TTC21B: variants seen among roughly 807,000 people sequenced by gnomAD.
The protein encoded by TTC21B is tetratricopeptide repeat domain 21B.
A neutral mutation model predicts 175.1 loss-of-function variants in TTC21B; 127 were observed. The ratio of observed to expected loss-of-function variants is 0.73; its 90% CI spans 0.63 to 0.84. The LOEUF (loss-of-function observed/expected upper bound fraction) is 0.84, where lower values mean the gene tolerates loss of function less well. Ranked by LOEUF, TTC21B falls within the 40% of genes least tolerant of loss-of-function variation. The probability of loss-of-function intolerance (pLI) is 0.00; values close to 1 mark genes in which losing one functional copy is unlikely to be tolerated. For synonymous variants in TTC21B, 524 were observed against 524.5 expected, an observed-to-expected ratio of 1.00 and a Z score of 0.01; for missense variants, 1,561 against 1,558.3, an observed-to-expected ratio of 1.00 and a Z score of -0.03.
chr2:165,885,386 TC>T (rs78162133), intron 25 of TTC21B, among the ~76,000 whole-genome samples: 2,746 of 152,254 alleles, frequency 0.018, 118 homozygotes, highest in Admixed American at 0.099. Flanking sequence ...TATAAAAACT[TC>T]CTTGCCTCAA....
At chr2:165,887,776 T>C (rs1449552375) in intron 25 of TTC21B, among the ~76,000 whole-genome samples, 9 of 152,084 alleles carry the variant, frequency 5.9e-5, no homozygotes, top group Admixed American at 5.9e-4. Flanking sequence ...AAATAACAAA[T>C]ATGAAAAGAT....
intron 10 of TTC21B, 116 bp from the exon 11 acceptor site, chr2:165,929,451 A>G: frequency 1.0e-6 from 1 of 992,616 alleles, no homozygotes; most frequent in Non-Finnish European, 1.5e-6. Context: ...GTTCAAACTC[A>G]AGTATTAGCT....
chr2:165,910,691 T>C (rs997372029), intron 18 of TTC21B, among the ~76,000 whole-genome samples: 21 of 152,068 alleles, frequency 1.4e-4, no homozygotes, highest in Admixed American at 1.3e-3. Flanking sequence ...ATGAATAAAA[T>C]TTCCTAGAAG....
At chr2:165,902,518 C>CT (rs796953234) in intron 19 of TTC21B, among the ~76,000 whole-genome samples, 1,826 of 149,652 alleles carry the variant, frequency 0.012, 37 homozygotes, top group African/African-American at 0.042. Context: ...AACAGGTTTT[C>CT]TTTTTTTTTT....
intron 15 of TTC21B, among the ~76,000 whole-genome samples, chr2:165,914,698 T>TACGTGCGCGCGCGCGCGTG (rs71031214): frequency 3.0e-5 from 4 of 132,370 alleles, no homozygotes; most frequent in African/African-American, 6.2e-5. Flanking sequence ...TGTGTGTGTG[T>TACGTGCGCGCGCGCGCGTG]TGTGTATCCC....
chr2:165,891,067 G>A (rs1685175939), intron 22 of TTC21B, 79 bp from the exon 23 acceptor site: 1 of 1,243,518 alleles, frequency 8.0e-7, no homozygotes, highest in Non-Finnish European at 1.2e-6. Flanking sequence ...CTTCATTAGA[G>A]TATAATTTAC....
chr2:165,918,958 T>C (rs941775522), intron 13 of TTC21B, among the ~76,000 whole-genome samples: 5 of 152,212 alleles, frequency 3.3e-5, no homozygotes, highest in Non-Finnish European at 5.9e-5. Context: ...CATTTTTATA[T>C]ACCTTCATTA....
At chr2:165,888,530 G>C in intron 24 of TTC21B, 56 bp from the exon 25 acceptor site, 1 of 1,390,920 alleles carries the variant, frequency 7.2e-7, no homozygotes, top group East Asian at 2.4e-5. Flanking sequence ...ACAATTCATT[G>C]AGATTAGAAT....
rs201563244 is a variant in TTC21B at position 165,901,899 on chromosome 2, T to C, written c.2580A>G (p.Leu860=). The change falls in exon 20 of 29, where the codon TTA becomes TTG. Residue 860 remains leucine (L), a synonymous_variant. Transcript: ENST00000243344. ...AITALQQARE[L]QARVLKRVQM... ...GAACACGTTTTAGTACCCGAGCTTG[T>C]AATTCTCGAGCCTAGAAAAAATCAG... 10 of 1,613,498 alleles carry C rather than the reference T, an allele frequency of 6.2e-6. No homozygotes were observed. The Admixed American group carries it at 1.7e-4, about 27-fold the overall frequency.
intron 8 of TTC21B, among the ~76,000 whole-genome samples, chr2:165,931,191 C>G (rs1319234088): frequency 6.6e-6 from 1 of 151,720 alleles, no homozygotes; most frequent in Non-Finnish European, 1.5e-5. Flanking sequence ...ATCCTTTTTT[C>G]TTTCAACTTT....
chr2:165,890,477 AC>A lies in TTC21B; in HGVS notation c.3263+1del, dbSNP rs1394505242. The A allele has an allele frequency of 6.2e-7, 1 of 1,613,268 alleles. No homozygotes were observed. Among genetic ancestry groups the A allele is most frequent in the African/African-American group, 1.3e-5 (1 of 74,994 alleles). ...AAAAGGATAATATGTCAAATAACTC[AC>A]CCCAGGTCTCCATCCAGGTTTTCAA... On this transcript the variant is annotated splice_donor_variant, in intron 24 of 28. Transcript: ENST00000243344. LOFTEE classifies it high-confidence loss of function.
chr2:165,883,451 A>C (rs1684899778), intron 26 of TTC21B, among the ~76,000 whole-genome samples: 1 of 152,194 alleles, frequency 6.6e-6, no homozygotes, highest in Non-Finnish European at 1.5e-5. Flanking sequence ...AATGGGAGGG[A>C]CAGACGTCCG....
At chr2:165,882,328 A>C (rs1362300159) in intron 26 of TTC21B, among the ~76,000 whole-genome samples, 1 of 152,212 alleles carries the variant, frequency 6.6e-6, no homozygotes, top group Non-Finnish European at 1.5e-5. Context: ...AGCTTTAGAA[A>C]TAGCAGTCAG....
chr2:165,890,598 T>A lies in TTC21B; in HGVS notation c.3144A>T (p.Lys1048Asn). The A allele has an allele frequency of 6.2e-7, 1 of 1,613,862 alleles. No homozygotes were observed. Among genetic ancestry groups the A allele is most frequent in the East Asian group, 2.2e-5 (1 of 44,844 alleles). ...GGCCCCAGTCACGATCTTTCCGAGC[T>A]TTATTAAAATGTCGAAGGGCATCAT... ...EPNDALRHFN[K>N]ARKDRDWGQN... Residue 1048 changes from lysine (K) to asparagine (N), a missense_variant, in exon 24 of 29, where the codon AAA (lysine) becomes AAT (asparagine). Lys to Asn is a moderately conservative substitution (Grantham distance 94). Coordinates refer to ENST00000243344, the MANE Select transcript of TTC21B (RefSeq NM_024753.5).
chr2:165,884,391 T>C (rs954350137), intron 25 of TTC21B, among the ~76,000 whole-genome samples: 1 of 152,218 alleles, frequency 6.6e-6, no homozygotes, highest in African/African-American at 2.4e-5. Context: ...GCAGTTTGTA[T>C]TTCAGATTTA....
Position 165,898,779 on chromosome 2 carries a change from A to G in TTC21B, c.2869-12T>C. ...AGATCAGCCATCATCTATAAAGATA[A>G]AAGTTGGTTCTAAAAATATTGCCAT... On this transcript the variant is annotated splice_polypyrimidine_tract_variant and intron_variant, in intron 21 of 28. Coordinates refer to ENST00000243344, the MANE Select transcript of TTC21B (RefSeq NM_024753.5). 7.6e-6 allele frequency: 12 copies of G among 1,583,624 alleles called. No individual in the cohort carries two copies. The highest frequency in any genetic ancestry group is 1.0e-5 in the Non-Finnish European group (12 of 1,152,510).
intron 3 of TTC21B, 40 bp downstream of exon 3, chr2:165,949,354 T>C (rs929676352): frequency 1.3e-5 from 18 of 1,423,182 alleles, no homozygotes; most frequent in Non-Finnish European, 1.7e-5. Flanking sequence ...ATAAACTGAA[T>C]AGGAAAAAAT....
chr2:165,952,417 T>C (rs1021218496), intron 1 of TTC21B, among the ~76,000 whole-genome samples: 1 of 152,170 alleles, frequency 6.6e-6, no homozygotes, highest in African/African-American at 2.4e-5. Flanking sequence ...AAATGTGTAC[T>C]ATCTGGCCCT....
At chr2:165,928,602 T>TA (rs1422707378) in intron 11 of TTC21B, 2 of 152,858 alleles carry the variant, frequency 1.3e-5, no homozygotes, top group African/African-American at 4.8e-5. Flanking sequence ...TAATTGCCAA[T>TA]ATCTGAAGGT....
Sources: gnomAD v4.1 joint callset for allele counts (sites outside exome capture counted in the v4.1 genomes callset) on GRCh38, gnomAD v4.1.1 for gene constraint, MANE v1.5 for transcripts, NCBI Gene and HGNC (gene_info 2026-07-23, HGNC 2026-07-21) for gene names.